The following RABGAP1L variants were observed in gnomAD, a reference collection of about 807,000 sequenced individuals.
The protein encoded by RABGAP1L is rab GTPase-activating protein 1-like.
RABGAP1L carries 63 observed loss-of-function variants against 137.7 expected under a neutral mutation model. That is an observed-to-expected ratio of 0.46 (90% confidence interval 0.37 to 0.56). The LOEUF (loss-of-function observed/expected upper bound fraction) is 0.56. Among genes scored for constraint, RABGAP1L ranks in the 20% least tolerant of loss-of-function variants. The pLI is 0.00. For missense variants in RABGAP1L, 1,095 were observed against 1,244.0 expected, an observed-to-expected ratio of 0.88 and a Z score of 1.80; for synonymous variants, 431 against 433.7, an observed-to-expected ratio of 0.99 and a Z score of 0.08.
chr1:174,834,846 T>C (rs576331650), intron 19 of RABGAP1L, among the ~76,000 whole-genome samples: 3 of 152,222 alleles, frequency 2.0e-5, no homozygotes, highest in African/African-American at 4.8e-5. Flanking sequence ...CTGGTACACA[T>C]AGAACAAAAT....
Position 174,831,073 on chromosome 1 carries a change from AATTTT to A in RABGAP1L, c.2340+19120_2340+19124del, listed in dbSNP as rs1179023309. Among the ~76,000 whole-genome samples the A allele has an allele frequency of 1.4e-5, 2 of 147,896 alleles. 1 individual carries two copies. The highest frequency in any genetic ancestry group is 4.9e-5 in the African/African-American group (2 of 40,584). ...GGGAAATTTTCAATTTTGTTTATTT[AATTTT>A]ATTTTAATTTGACAATACTTTGGTA... On this transcript the variant is annotated intron_variant, in intron 19 of 25. Coordinates refer to ENST00000681986, the MANE Select transcript of RABGAP1L (RefSeq NM_001366446.1).
At chr1:174,849,029 G>C (rs992134205) in intron 19 of RABGAP1L, among the ~76,000 whole-genome samples, 1 of 152,204 alleles carries the variant, frequency 6.6e-6, no homozygotes, top group African/African-American at 2.4e-5. Context: ...ACTCAGAAAG[G>C]GAACTCCCTG....
chr1:174,346,544 AGTCTC>A (rs1335437619), intron 11 of RABGAP1L, among the ~76,000 whole-genome samples: 1 of 152,078 alleles, frequency 6.6e-6, no homozygotes, highest in Admixed American at 6.5e-5. Context: ...TGCTCATAGA[AGTCTC>A]TAATAATTCT....
chr1:174,473,359 TC>T (rs1658151440), intron 13 of RABGAP1L, among the ~76,000 whole-genome samples: 1 of 152,146 alleles, frequency 6.6e-6, no homozygotes, highest in Non-Finnish European at 1.5e-5. Context: ...ACTTTGTACT[TC>T]AGGTTCAAAG....
chr1:174,255,472 A>C (rs989447085), intron 7 of RABGAP1L, among the ~76,000 whole-genome samples: 1 of 152,074 alleles, frequency 6.6e-6, no homozygotes, highest in South Asian at 2.1e-4. Context: ...TCTCAGTGTT[A>C]CCAGTGTTAC....
At chr1:174,713,733 C>T (rs1680772580) in intron 17 of RABGAP1L, among the ~76,000 whole-genome samples, 2 of 152,190 alleles carry the variant, frequency 1.3e-5, no homozygotes, top group African/African-American at 4.8e-5. Flanking sequence ...ATAAATTACC[C>T]AGCTTCAGGT....
chr1:174,394,269 T>G, intron 13 of RABGAP1L, 124 bp downstream of exon 13: 1 of 1,103,858 alleles, frequency 9.1e-7, no homozygotes, highest in Non-Finnish European at 1.3e-6. Flanking sequence ...GGTCGTGAAG[T>G]CAGTACTTCT....
At chr1:174,429,946 T>C (rs1051368675) in intron 13 of RABGAP1L, among the ~76,000 whole-genome samples, 1 of 152,166 alleles carries the variant, frequency 6.6e-6, no homozygotes, top group African/African-American at 2.4e-5. Context: ...TGTTACTGAA[T>C]TTTGGTCACT....
chr1:174,754,957 A>C (rs532380722), intron 18 of RABGAP1L, among the ~76,000 whole-genome samples: 10 of 152,338 alleles, frequency 6.6e-5, no homozygotes, highest in African/African-American at 2.2e-4. Flanking sequence ...AGATTATCTC[A>C]TTAACATACA....
intron 17 of RABGAP1L, among the ~76,000 whole-genome samples, chr1:174,720,104 A>G (rs975106352): frequency 2.6e-5 from 4 of 152,200 alleles, no homozygotes; most frequent in Admixed American, 1.3e-4. Flanking sequence ...ATAGGTGTAA[A>G]TCTATAGATT....
chr1:174,483,481 T>G (rs1227835400), intron 13 of RABGAP1L, among the ~76,000 whole-genome samples: 1 of 152,248 alleles, frequency 6.6e-6, no homozygotes, highest in Non-Finnish European at 1.5e-5. Context: ...TTATTTTTTA[T>G]GGCTGAATAG....
intron 18 of RABGAP1L, among the ~76,000 whole-genome samples, chr1:174,760,184 T>G (rs961386639): frequency 6.6e-6 from 1 of 152,110 alleles, no homozygotes; most frequent in Non-Finnish European, 1.5e-5. Flanking sequence ...AAAGCAGATT[T>G]TTTTTTTTTT....
At chr1:174,877,657 G>A (rs772114476) in intron 19 of RABGAP1L, 12 of 1,559,314 alleles carry the variant, frequency 7.7e-6, no homozygotes, top group East Asian at 2.2e-5. Flanking sequence ...TTTCTAACAT[G>A]ATATCTATAC....
chr1:174,937,842 G>A lies in RABGAP1L; in HGVS notation c.2341-19615G>A, dbSNP rs1207801134. Among the ~76,000 whole-genome samples the A allele has an allele frequency of 2.2e-4, 23 of 105,150 alleles. No homozygotes were observed. In the East Asian group the frequency reaches 5.1e-3, roughly 23 times the overall value. The allele number at this position is 105,150 out of a possible 152,430, so 69.0% of individuals were successfully genotyped here. Reference sequence around the variant, plus strand: ...CTCCCAAGTAGCTGGGATTACAGGCGCCCGCCACCAAGCCCAGCTAATTTT... The same window carrying A: ...CTCCCAAGTAGCTGGGATTACAGGCACCCGCCACCAAGCCCAGCTAATTTT... On this transcript the variant is annotated intron_variant, in intron 19 of 25. Transcript: ENST00000681986.
At chr1:174,585,989 G>A (rs1669082959) in intron 13 of RABGAP1L, among the ~76,000 whole-genome samples, 1 of 152,034 alleles carries the variant, frequency 6.6e-6, no homozygotes, top group Non-Finnish European at 1.5e-5. Flanking sequence ...ATTTAGAAAT[G>A]GAAATTCCAT....
chr1:174,370,297 C>T (rs994590727), intron 11 of RABGAP1L, among the ~76,000 whole-genome samples: 20 of 152,124 alleles, frequency 1.3e-4, no homozygotes, highest in African/African-American at 4.1e-4. Flanking sequence ...ACTACCTCTG[C>T]TACTGCTTAA....
At chr1:174,242,066 A>G (rs766751138) in intron 5 of RABGAP1L, among the ~76,000 whole-genome samples, 39 of 152,158 alleles carry the variant, frequency 2.6e-4, no homozygotes, top group Non-Finnish European at 3.4e-4. Context: ...TCATTTAGAT[A>G]TTGCATTAAG....
chr1:174,797,420 T>C (rs1688323279), intron 18 of RABGAP1L, among the ~76,000 whole-genome samples: 1 of 151,878 alleles, frequency 6.6e-6, no homozygotes. Flanking sequence ...CACCAGTATA[T>C]ATACAAGGTA....
chr1:174,912,102 T>C (rs1558223954), intron 19 of RABGAP1L, among the ~76,000 whole-genome samples: 1 of 151,702 alleles, frequency 6.6e-6, no homozygotes, highest in South Asian at 2.1e-4. Context: ...AAAAAAAATA[T>C]ATAGTCTTTG....
Sources: gnomAD v4.1 joint callset for allele counts (sites outside exome capture counted in the v4.1 genomes callset) on GRCh38, gnomAD v4.1.1 for gene constraint, MANE v1.5 for transcripts, NCBI Gene and HGNC (gene_info 2026-07-23, HGNC 2026-07-21) for gene names.